Variants in CHD2 observed in about 807,000 individuals in gnomAD.
CHD2 encodes the protein chromodomain helicase DNA binding protein 2.
CHD2 carries 28 observed loss-of-function variants against 243.9 expected under a neutral mutation model. That is an observed-to-expected ratio of 0.11 (90% confidence interval 0.09 to 0.16). The LOEUF (loss-of-function observed/expected upper bound fraction) is 0.16, where lower values mean the gene tolerates loss of function less well. CHD2 is among the 10% of genes least tolerant of loss of function. The pLI is 1.00. For synonymous variants in CHD2, 775 were observed against 779.0 expected, an observed-to-expected ratio of 0.99 and a Z score of 0.09; for missense variants, 1,386 against 2,209.8, an observed-to-expected ratio of 0.63 and a Z score of 7.47.
At chr15:92,980,166 T>C (rs2053960185) in intron 22 of CHD2, among the ~76,000 whole-genome samples, 1 of 151,042 alleles carries the variant, frequency 6.6e-6, no homozygotes, top group Non-Finnish European at 1.5e-5. Flanking sequence ...TGCCTCAGCC[T>C]CCCGAGTAGC....
chr15:93,006,327 A>G (rs1172394396), intron 34 of CHD2, among the ~76,000 whole-genome samples: 3 of 152,004 alleles, frequency 2.0e-5, no homozygotes, highest in Admixed American at 1.3e-4. Context: ...AGGTTTCACC[A>G]TGTTGGTCAG....
At chr15:92,965,565 C>CAAAAAAAAAAAAAAAAAAAAAAAAA (rs61447848) in intron 16 of CHD2, among the ~76,000 whole-genome samples, 1 of 111,066 alleles carries the variant, frequency 9.0e-6, no homozygotes, top group Non-Finnish European at 1.7e-5. Context: ...ACTCTTTCTC[C>CAAAAAAAAAAAAAAAAAAAAAAAAA]AAAAAAAAAA....
In CHD2 at chr15:92,998,670, C is replaced by G. The variant is rs749499036; in HGVS notation, c.4008+49C>G. On this transcript the variant is annotated intron_variant, in intron 31 of 38. Coordinates refer to ENST00000394196, the MANE Select transcript of CHD2 (RefSeq NM_001271.4). This position sits in a 1 kb window ranked among gnomAD's most constrained non-coding sequence, Gnocchi z 5.1. Reference sequence around the variant, plus strand: ...TTTTTCAGGGGCCTGAGGCTCCTACCCTGCAGAATTAGGTAGGAAGAGAGA... The same window carrying G: ...TTTTTCAGGGGCCTGAGGCTCCTACGCTGCAGAATTAGGTAGGAAGAGAGA... 6.3e-7 allele frequency: 1 copy of G among 1,595,338 alleles called. No individual in the cohort carries two copies. The highest frequency in any genetic ancestry group is 8.6e-7 in the Non-Finnish European group (1 of 1,168,582).
chr15:92,978,952 A>G (rs921841439), intron 21 of CHD2, among the ~76,000 whole-genome samples, 183 bp from the exon 22 acceptor site: 2 of 152,232 alleles, frequency 1.3e-5, no homozygotes, highest in Non-Finnish European at 2.9e-5. Flanking sequence ...CCTGCTGCAC[A>G]TAGTAAAAGT....
chr15:92,903,572 TAAA>T (rs1197850983), intron 2 of CHD2, among the ~76,000 whole-genome samples: 4 of 121,986 alleles, frequency 3.3e-5, no homozygotes, highest in Non-Finnish European at 7.4e-5. Flanking sequence ...TTAAAAACTT[TAAA>T]AAACGCGATT....
intron 37 of CHD2, among the ~76,000 whole-genome samples, chr15:93,016,777 C>T (rs1367764984): frequency 2.9e-4 from 2 of 6,976 alleles, no homozygotes; most frequent in Non-Finnish European, 5.7e-3. Flanking sequence ...GTGAGACCGT[C>T]TCAAAAAAAA....
intron 36 of CHD2, among the ~76,000 whole-genome samples, chr15:93,013,522 CA>C (rs1403472106): frequency 6.6e-6 from 1 of 152,110 alleles, no homozygotes; most frequent in Non-Finnish European, 1.5e-5. Flanking sequence ...GAGAATTCAG[CA>C]AGATTTATTA....
chr15:92,920,520 A>T (rs988059966), intron 2 of CHD2, among the ~76,000 whole-genome samples: 1 of 152,174 alleles, frequency 6.6e-6, no homozygotes, highest in African/African-American at 2.4e-5. Flanking sequence ...AGTGCTTCCC[A>T]CTTTTCAACA....
intron 26 of CHD2, among the ~76,000 whole-genome samples, chr15:92,986,657 A>G (rs955782438): frequency 3.9e-5 from 6 of 152,136 alleles, no homozygotes; most frequent in African/African-American, 1.4e-4. Flanking sequence ...ATGGGGCAGT[A>G]TGTTCTATAG....
chr15:92,921,846 A>C (rs2052962061), intron 2 of CHD2, among the ~76,000 whole-genome samples: 1 of 152,208 alleles, frequency 6.6e-6, no homozygotes, highest in South Asian at 2.1e-4. Context: ...CTAGGACTGA[A>C]ATGGAAGCTG....
At chr15:93,005,263 G>C (rs1567161197) in intron 34 of CHD2, among the ~76,000 whole-genome samples, 1 of 152,160 alleles carries the variant, frequency 6.6e-6, no homozygotes, top group Admixed American at 6.5e-5. Context: ...TTGCCAGGAG[G>C]GCTTGTGTAA....
chr15:92,908,893 C>T (rs1350011529), intron 2 of CHD2, among the ~76,000 whole-genome samples: 5 of 152,016 alleles, frequency 3.3e-5, no homozygotes, highest in Middle Eastern at 3.2e-3. Context: ...CCCAGGCAGG[C>T]GGATCACTTG....
chr15:92,909,830 T>C (rs2052695373), intron 2 of CHD2, among the ~76,000 whole-genome samples: 1 of 152,064 alleles, frequency 6.6e-6, no homozygotes, highest in African/African-American at 2.4e-5. Context: ...ACTTTGGATT[T>C]TATCAGGAAG....
At chr15:92,932,514 A>G (rs746398625) in intron 5 of CHD2, among the ~76,000 whole-genome samples, 2 of 129,410 alleles carry the variant, frequency 1.5e-5, no homozygotes, top group Admixed American at 1.0e-4. Flanking sequence ...TCATTGTTCA[A>G]TTCCCACCTA....
intron 24 of CHD2, among the ~76,000 whole-genome samples, chr15:92,983,405 A>G (rs551131128): frequency 6.6e-6 from 1 of 152,332 alleles, no homozygotes; most frequent in African/African-American, 2.4e-5. Context: ...ATTTACATCA[A>G]TCTTAATTTT....
At chr15:92,904,809 T>A in intron 2 of CHD2, 2 of 1,487,708 alleles carry the variant, frequency 1.3e-6, no homozygotes, top group Non-Finnish European at 1.8e-6. Context: ...GATGAGTGGG[T>A]TTAATTTTGT....
Position 92,998,341 on chromosome 15 carries a change from G to T in CHD2, c.3886-158G>T. 1 of 1,371,900 alleles carries T rather than the reference G, an allele frequency of 7.3e-7. No homozygotes were observed. The highest frequency in any genetic ancestry group is 9.7e-7 in the Non-Finnish European group (1 of 1,031,470). 85.0% of individuals were successfully genotyped at this position (1,371,900 alleles called of 1,614,324 possible). A position where few individuals can be genotyped will look rare whatever the true frequency, so the allele number is the denominator to read the frequency against. On this transcript the variant is annotated intron_variant, in intron 30 of 38. Transcript: ENST00000394196. This position sits in a 1 kb window ranked among gnomAD's most constrained non-coding sequence, Gnocchi z 5.1. ...GGCTCGTGAGGGATTTTCAGTGACTGGGAGCCATGGACATGAGATAGGATC... is the reference window on the plus strand; with the variant it reads ...GGCTCGTGAGGGATTTTCAGTGACTTGGAGCCATGGACATGAGATAGGATC...
At position 92,956,533 on chromosome 15, in the gene CHD2, A is replaced by G; in HGVS notation, c.1884A>G (p.Leu628=). The G allele has an allele frequency of 6.2e-7, 1 of 1,613,904 alleles. No individual in the cohort carries two copies. The highest frequency in any genetic ancestry group is 8.5e-7 in the Non-Finnish European group (1 of 1,179,900). Reference sequence around the variant, plus strand: ...ATCGGTTGAAGAATGATGACTCTTTATTGTATAAAACTCTGATTGATTTCA... The same window carrying G: ...ATCGGTTGAAGAATGATGACTCTTTGTTGTATAAAACTCTGATTGATTTCA... ...EAHRLKNDDS[L]LYKTLIDFKS... The change falls in exon 16 of 39, where the codon TTA becomes TTG. Residue 628 remains leucine (L), a synonymous_variant. Coordinates refer to ENST00000394196, the MANE Select transcript of CHD2 (RefSeq NM_001271.4).
chr15:92,929,598 CA>C (rs1380983072), intron 5 of CHD2, among the ~76,000 whole-genome samples: 1 of 152,006 alleles, frequency 6.6e-6, no homozygotes, highest in Non-Finnish European at 1.5e-5. Flanking sequence ...TTCTTTATAA[CA>C]TAGATTTATA....
Sources: gnomAD v4.1 joint callset for allele counts (sites outside exome capture counted in the v4.1 genomes callset) on GRCh38, gnomAD v4.1.1 for gene constraint, Gnocchi (gnomAD v3.1) non-coding constraint, MANE v1.5 for transcripts, NCBI Gene and HGNC (gene_info 2026-07-23, HGNC 2026-07-21) for gene names.